The following RASEF variants were observed in gnomAD, a reference collection of about 807,000 sequenced individuals.
RASEF encodes ras and EF-hand domain-containing protein.
In RASEF, 68 loss-of-function variants were observed where a neutral mutation model predicts 90.1. That is an observed-to-expected ratio of 0.75 (90% CI 0.62 to 0.92). RASEF has a LOEUF of 0.92. RASEF is among the 40% of genes least tolerant of loss of function. The probability of loss-of-function intolerance (pLI) is 0.00; values close to 1 mark genes in which losing one functional copy is unlikely to be tolerated. For missense variants in RASEF, 949 were observed against 937.2 expected (o/e 1.01, Z -0.16); for synonymous variants, 331 against 345.2 (o/e 0.96, Z 0.46).
At chr9:83,049,360 C>G in intron 1 of RASEF, 1 of 984,812 alleles carries the variant, frequency 1.0e-6, no homozygotes. Flanking sequence ...CAGTCAATGT[C>G]CGTGCGGGAC....
chr9:83,031,375 A>T (rs1587508914), intron 1 of RASEF, among the ~76,000 whole-genome samples: 2 of 152,240 alleles, frequency 1.3e-5, no homozygotes. Flanking sequence ...ATACCAAAGT[A>T]GATATTTATT....
At chr9:83,147,435 G>C in the RASEF span, among the ~76,000 whole-genome samples, 41 of 152,242 alleles carry the variant, frequency 2.7e-4, no homozygotes, top group African/African-American at 9.1e-4. Flanking sequence ...GTTGAAATAG[G>C]AGAGTTCCCT....
the RASEF span, among the ~76,000 whole-genome samples, chr9:83,084,012 T>C: frequency 6.6e-6 from 1 of 152,122 alleles, no homozygotes; most frequent in Non-Finnish European, 1.5e-5. Context: ...ACATAAATAA[T>C]TTATTTTATA....
At chr9:83,076,712 C>G in the RASEF span, among the ~76,000 whole-genome samples, 1 of 152,138 alleles carries the variant, frequency 6.6e-6, no homozygotes, top group African/African-American at 2.4e-5. Context: ...AGTGTTTGCT[C>G]AATGGATTCC....
chr9:83,006,758 A>C (rs1829141174), intron 7 of RASEF, among the ~76,000 whole-genome samples: 1 of 152,146 alleles, frequency 6.6e-6, no homozygotes, highest in Non-Finnish European at 1.5e-5. Flanking sequence ...AGAATTGTGG[A>C]GGCAGAACCC....
the RASEF span, among the ~76,000 whole-genome samples, chr9:83,197,495 C>T: frequency 6.6e-6 from 1 of 151,966 alleles, no homozygotes. Flanking sequence ...GCTTACATTC[C>T]AGTGGAGTGA....
chr9:83,081,503 A>G, the RASEF span, among the ~76,000 whole-genome samples: 1 of 152,176 alleles, frequency 6.6e-6, no homozygotes, highest in Non-Finnish European at 1.5e-5. Context: ...ACTGGTTTCT[A>G]TTGAGCATTT....
chr9:83,025,926 CAAAT>C lies in RASEF; in HGVS notation c.432-9_432-6del. ...AAGGTACTAACTTGCTCTTCTCTGC[CAAAT>C]AAATAAATAAAAATTAAACCAATTA... On this transcript the variant is annotated splice_region_variant and splice_polypyrimidine_tract_variant and intron_variant, in intron 1 of 16. Coordinates refer to ENST00000376447, the MANE Select transcript of RASEF (RefSeq NM_152573.4). 16 of 1,552,640 alleles carry C rather than the reference CAAAT, an allele frequency of 1.0e-5. No individual in the cohort carries two copies. The highest frequency in any genetic ancestry group is 2.5e-5 in the South Asian group (2 of 79,042).
the RASEF span, among the ~76,000 whole-genome samples, chr9:83,141,975 C>T: frequency 6.6e-6 from 1 of 152,036 alleles, no homozygotes; most frequent in Non-Finnish European, 1.5e-5. Context: ...ATTTATATGC[C>T]AATACAACTG....
chr9:83,203,484 C>G, the RASEF span, among the ~76,000 whole-genome samples: 1 of 152,058 alleles, frequency 6.6e-6, no homozygotes, highest in African/African-American at 2.4e-5. Context: ...TCATGTTGGC[C>G]AGGCTGGTCT....
the RASEF span, among the ~76,000 whole-genome samples, chr9:83,086,732 G>A: frequency 6.6e-6 from 1 of 152,130 alleles, no homozygotes; most frequent in Admixed American, 6.5e-5. Flanking sequence ...CAACATTTGG[G>A]CCTCTTTATA....
intron 2 of RASEF, among the ~76,000 whole-genome samples, chr9:83,023,206 T>A (rs1322227120): frequency 6.6e-6 from 1 of 152,182 alleles, no homozygotes; most frequent in African/African-American, 2.4e-5. Context: ...GAAAAAAAGA[T>A]CTCAATCATT....
the RASEF span, among the ~76,000 whole-genome samples, chr9:83,110,550 T>A: frequency 3.3e-5 from 5 of 152,132 alleles, no homozygotes; most frequent in African/African-American, 1.2e-4. Flanking sequence ...TTTCAAACTT[T>A]ATATTTGAAG....
chr9:83,030,841 T>C (rs1829632152), intron 1 of RASEF, among the ~76,000 whole-genome samples: 2 of 152,232 alleles, frequency 1.3e-5, no homozygotes, highest in Admixed American at 6.5e-5. Context: ...ACATTTTCTT[T>C]CTTTTTTCTT....
At chr9:83,166,730 G>A in the RASEF span, among the ~76,000 whole-genome samples, 2 of 152,140 alleles carry the variant, frequency 1.3e-5, no homozygotes, top group Non-Finnish European at 2.9e-5. Flanking sequence ...CTAGTGCAAA[G>A]CAAACACTTC....
At chr9:83,153,990 C>T in the RASEF span, among the ~76,000 whole-genome samples, 2 of 152,198 alleles carry the variant, frequency 1.3e-5, no homozygotes, top group South Asian at 2.1e-4. Flanking sequence ...TAGCGTATAG[C>T]GTCTCAACAT....
rs1829095298 is a variant in RASEF, at chr9:83,004,551, A to G, written c.1149T>C (p.Ser383=). The change falls in exon 9 of 17, where the codon TCT becomes TCC. Residue 383 remains serine (S), a synonymous_variant. Transcript: ENST00000376447. The part of the protein sequence containing the change: ...INNISPGNTI[S]RSSPKFIGHS... ...GACCAATGAATTTGGGACTGCTTCT[A>G]GAAATTGTATTCCCTGGTGAGATAT... 6.3e-7 allele frequency: 1 copy of G among 1,599,506 alleles called. No individual in the cohort carries two copies. Among genetic ancestry groups the G allele is most frequent in the African/African-American group, 1.3e-5 (1 of 74,622 alleles).
chr9:82,994,237 C>T (rs111935807), intron 14 of RASEF, among the ~76,000 whole-genome samples: 73 of 152,240 alleles, frequency 4.8e-4, no homozygotes, highest in African/African-American at 1.7e-3. Context: ...CTCATTAATG[C>T]GCTCGTTAAT....
At chr9:83,016,589 G>A (rs1396470958) in intron 3 of RASEF, among the ~76,000 whole-genome samples, 1 of 152,010 alleles carries the variant, frequency 6.6e-6, no homozygotes, top group East Asian at 1.9e-4. Flanking sequence ...ACAAATATTC[G>A]CTTATCACCT....
Sources: allele counts gnomAD v4.1 joint callset (sites outside exome capture counted in the v4.1 genomes callset), GRCh38; gene constraint gnomAD v4.1.1; transcripts MANE v1.5; gene names NCBI Gene and HGNC (gene_info 2026-07-23, HGNC 2026-07-21).